Variants in MIGA1 observed in about 807,000 individuals in gnomAD.
MIGA1 encodes the protein mitoguardin 1, also known as family with sequence similarity 73, member A.
In MIGA1, 58 loss-of-function variants were observed where a neutral mutation model predicts 82.0. The observed-to-expected ratio is 0.71, with a 90% CI of 0.57 to 0.88. The LOEUF (loss-of-function observed/expected upper bound fraction) is 0.88, where lower values mean the gene tolerates loss of function less well. MIGA1 is among the 40% of genes least tolerant of loss of function. MIGA1 has a pLI of 0.00. For missense variants in MIGA1, 751 were observed against 749.1 expected (o/e 1.00, Z -0.03); for synonymous variants, 249 against 253.6 (o/e 0.98, Z 0.17).
intron 1 of MIGA1, 164 bp downstream of exon 1, chr1:77,779,900 C>G: frequency 7.1e-7 from 1 of 1,411,750 alleles, no homozygotes; most frequent in East Asian, 2.7e-5. Flanking sequence ...GCCAGAGGGT[C>G]TACGGCCGTG....
At chr1:77,869,939 A>C (rs1272526520) in intron 14 of MIGA1, among the ~76,000 whole-genome samples, 1 of 113,194 alleles carries the variant, frequency 8.8e-6, no homozygotes, top group Middle Eastern at 5.9e-3. Context: ...TCCCTCCCGG[A>C]CGGGGCGGCT....
intron 11 of MIGA1, 187 bp from the exon 12 acceptor site, chr1:77,861,037 T>C: frequency 2.0e-6 from 1 of 496,314 alleles, no homozygotes; most frequent in Non-Finnish European, 3.5e-6. Context: ...TGACATTCTT[T>C]ATCTTGGCTT....
At chr1:77,828,673 T>G (rs1297583323) in intron 7 of MIGA1, among the ~76,000 whole-genome samples, 4 of 152,210 alleles carry the variant, frequency 2.6e-5, no homozygotes, top group African/African-American at 9.7e-5. Flanking sequence ...TCTTTTTGTT[T>G]TTTCTTTTTA....
chr1:77,847,821 G>A, intron 8 of MIGA1: 1 of 1,606,060 alleles, frequency 6.2e-7, no homozygotes, highest in South Asian at 1.1e-5. Flanking sequence ...AATACCACAA[G>A]AGAAATGCAT....
In MIGA1 at chr1:77,779,651, T is replaced by A; in HGVS notation, c.-5T>A. ...TCCTGACCCCGGAAGGACTCCGCCT[T>A]CTCCATGTCAGACTGCTGCTCAGCG... On this transcript the variant is annotated 5_prime_UTR_variant, in exon 1 of 16. Transcript: ENST00000370791. 6.3e-7 allele frequency: 1 copy of A among 1,575,272 alleles called. No individual in the cohort carries two copies. Among genetic ancestry groups the A allele is most frequent in the Non-Finnish European group, 8.6e-7 (1 of 1,160,190 alleles).
chr1:77,853,575 A>G (rs1301291065), intron 8 of MIGA1: 6 of 163,812 alleles, frequency 3.7e-5, no homozygotes. Context: ...TGAAAAATTT[A>G]AAAATGAGTG....
At chr1:77,864,336 C>T (rs1161175750) in intron 13 of MIGA1, among the ~76,000 whole-genome samples, 1 of 151,186 alleles carries the variant, frequency 6.6e-6, no homozygotes, top group Non-Finnish European at 1.5e-5. Context: ...GCATTCCAGC[C>T]TGGGCAACAA....
At chr1:77,795,182 T>C (rs1436135354) in intron 2 of MIGA1, among the ~76,000 whole-genome samples, 1 of 152,144 alleles carries the variant, frequency 6.6e-6, no homozygotes, top group African/African-American at 2.4e-5. Flanking sequence ...CAGGCTGGTC[T>C]TAAACGGCTG....
chr1:77,794,174 T>C (rs2101722746), intron 2 of MIGA1, among the ~76,000 whole-genome samples: 1 of 152,364 alleles, frequency 6.6e-6, no homozygotes, highest in Middle Eastern at 3.4e-3. Flanking sequence ...TGTATTAACA[T>C]CTTAATATTA....
rs1646912631 is a variant in MIGA1, at chr1:77,878,572, A to G, written c.*3508A>G. 3.6e-6 allele frequency: 1 copy of G among 276,634 alleles called. No homozygotes were observed. The highest frequency in any genetic ancestry group is 2.2e-5 in the African/African-American group (1 of 46,416). 17.1% of individuals were successfully genotyped at this position (276,634 alleles called of 1,614,324 possible). A position where few individuals can be genotyped will look rare whatever the true frequency, so the allele number is the denominator to read the frequency against. On this transcript the variant is annotated 3_prime_UTR_variant, in exon 16 of 16. Transcript: ENST00000370791. ...CTTGCCACCATGAGCTCTACCATCC[A>G]CTTCCATATGTAAATTATAAGAGGG...
At chr1:77,808,817 A>C (rs1267550702) in intron 5 of MIGA1, among the ~76,000 whole-genome samples, 1 of 152,216 alleles carries the variant, frequency 6.6e-6, no homozygotes, top group African/African-American at 2.4e-5. Context: ...TCTCTAGAAT[A>C]GTTAGACTAT....
chr1:77,839,620 G>A (rs1369771953), intron 7 of MIGA1, among the ~76,000 whole-genome samples: 1 of 151,728 alleles, frequency 6.6e-6, no homozygotes, highest in African/African-American at 2.4e-5. Flanking sequence ...TGATCCTCCC[G>A]CCTCAGCCTC....
chr1:77,806,210 T>G (rs1332955435), intron 4 of MIGA1, among the ~76,000 whole-genome samples: 1 of 152,208 alleles, frequency 6.6e-6, no homozygotes, highest in Non-Finnish European at 1.5e-5. Context: ...GCTACTGAAC[T>G]GAATAATGTA....
intron 8 of MIGA1, among the ~76,000 whole-genome samples, chr1:77,844,039 T>C (rs1243752488): frequency 2.0e-5 from 3 of 148,116 alleles, no homozygotes; most frequent in Non-Finnish European, 4.4e-5. Context: ...AGGTCAAGAC[T>C]GCAGTGGGCC....
chr1:77,844,011 G>T (rs775729617), intron 8 of MIGA1, among the ~76,000 whole-genome samples: 45 of 150,498 alleles, frequency 3.0e-4, no homozygotes, highest in Admixed American at 4.0e-4. Flanking sequence ...TGAGGTGGGA[G>T]GATCCCTTAA....
Position 77,866,380 on chromosome 1 carries a change from C to A in MIGA1, c.1552C>A (p.Gln518Lys). 6.2e-7 allele frequency: 1 copy of A among 1,613,914 alleles called. No individual in the cohort carries two copies. ...TTGGTCGGTGCTGAAACAGAAAAGA[C>A]AACAGATGAAGGTAAAATTCGTTAT... is the stretch of plus-strand genomic sequence containing the variant. Residue 518 changes from glutamine to lysine, a missense_variant, in exon 14 of 16, where the codon CAA becomes AAA. This residue lies in a region of MIGA1 where 265 missense variants were observed against 293.6 expected (regional missense o/e 0.90). Transcript: ENST00000370791.
intron 14 of MIGA1, among the ~76,000 whole-genome samples, chr1:77,870,226 C>T (rs1460466862): frequency 7.8e-6 from 1 of 128,966 alleles, no homozygotes; most frequent in Admixed American, 7.4e-5. Flanking sequence ...GGCTGACCCC[C>T]CCCCCCACCT....
At chr1:77,799,857 A>G (rs1339410626) in intron 2 of MIGA1, among the ~76,000 whole-genome samples, 3 of 149,540 alleles carry the variant, frequency 2.0e-5, no homozygotes, top group African/African-American at 4.9e-5. Flanking sequence ...TTTCCTTCCA[A>G]AAAAAAAAAC....
At position 77,780,234 on chromosome 1, in the gene MIGA1, G is replaced by A. The variant is rs1287304873; in HGVS notation, c.81+498G>A. The A allele has an allele frequency of 4.2e-6, 4 of 958,162 alleles. No homozygotes were observed. The African/African-American group carries it at 5.3e-5, about 13-fold the overall frequency. The allele number at this position is 958,162 out of a possible 1,614,324, so 59.4% of individuals were successfully genotyped here. On this transcript the variant is annotated intron_variant, in intron 1 of 15. Transcript: ENST00000370791. ...GGTCTCAGGTTCGGCTTGGATGCGG[G>A]TGGTTTTGAGCAGGGAGTGGCTTTT...
Sources: gnomAD v4.1 joint callset for allele counts (sites outside exome capture counted in the v4.1 genomes callset) on GRCh38, gnomAD v4.1.1 for gene constraint, gnomAD v4.1.1 regional missense constraint, MANE v1.5 for transcripts, NCBI Gene and HGNC (gene_info 2026-07-23, HGNC 2026-07-21) for gene names.